Variants in ALMS1 observed in about 807,000 individuals in gnomAD.
ALMS1 encodes the protein ALMS1 centrosome and basal body associated protein.
A neutral mutation model predicts 352.2 loss-of-function variants in ALMS1; 271 were observed. The ratio of observed to expected loss-of-function variants is 0.77; its 90% CI spans 0.70 to 0.85. ALMS1 has a LOEUF of 0.85. Among genes scored for constraint, ALMS1 ranks in the 40% least tolerant of loss-of-function variants. The pLI, the probability that ALMS1 is intolerant of heterozygous loss-of-function variation, is 0.00. For missense variants in ALMS1, 5,445 were observed against 4,870.7 expected, an observed-to-expected ratio of 1.12 and a Z score of -3.51; for synonymous variants, 1,865 against 1,761.2, an observed-to-expected ratio of 1.06 and a Z score of -1.48.
Position 73,609,572 on chromosome 2 carries a change from T to A in ALMS1, c.12467T>A (p.Val4156Glu). The change falls in exon 23 of 23, where the codon GTG becomes GAG. Residue 4156 changes from valine to glutamate, a missense_variant. Transcript: ENST00000613296. Reference sequence around the variant, plus strand: ...TGCCTTTCTTTTCTTCTACAGAGAGTGACCAATCAACTTCTGGGGAGAAAA... The same window carrying A: ...TGCCTTTCTTTTCTTCTACAGAGAGAGACCAATCAACTTCTGGGGAGAAAA... ...RLRAQLYKKR[V>E]TNQLLGRKVP... The A allele has an allele frequency of 6.2e-7, 1 of 1,614,088 alleles. No homozygotes were observed. The highest frequency in any genetic ancestry group is 8.5e-7 in the Non-Finnish European group (1 of 1,179,980).
At position 73,449,520 on chromosome 2, in the gene ALMS1, T is replaced by G; in HGVS notation, c.2993T>G (p.Val998Gly). 1 of 1,613,912 alleles carries G rather than the reference T, an allele frequency of 6.2e-7. No individual in the cohort carries two copies. Among genetic ancestry groups the G allele is most frequent in the Non-Finnish European group, 8.5e-7 (1 of 1,179,942 alleles). The change falls in exon 8 of 23, where the codon GTA becomes GGA. Residue 998 changes from valine to glycine, a missense_variant. Coordinates refer to ENST00000613296, the MANE Select transcript of ALMS1 (RefSeq NM_001378454.1). The stretch of plus-strand genomic sequence containing the variant: ...CAGAAGACTGTCCCAACACCAACAG[T>G]ACCTTCAGGTTCCTTCTCACATAGA... ...TDQKTVPTPTVPSGSFSHREK... is the reference protein window; with the variant it reads ...TDQKTVPTPTGPSGSFSHREK...
At chr2:73,582,429 T>G (rs1432157813) in intron 16 of ALMS1, among the ~76,000 whole-genome samples, 1 of 152,208 alleles carries the variant, frequency 6.6e-6, no homozygotes, top group African/African-American at 2.4e-5. Flanking sequence ...AGTGTACAAG[T>G]CAATAATGTT....
At chr2:73,392,385 CTTTAA>C (rs1263775535) in intron 1 of ALMS1, among the ~76,000 whole-genome samples, 4 of 151,228 alleles carry the variant, frequency 2.6e-5, no homozygotes, top group African/African-American at 4.9e-5. Context: ...TACAATTCAC[CTTTAA>C]TTTAAAGTGC....
At chr2:73,428,993 A>G (rs1019215903) in intron 6 of ALMS1, among the ~76,000 whole-genome samples, 1 of 152,186 alleles carries the variant, frequency 6.6e-6, no homozygotes, top group Non-Finnish European at 1.5e-5. Context: ...GAACATAGAG[A>G]TTTTGAGTCA....
At chr2:73,430,900 T>C (rs1031827148) in intron 6 of ALMS1, among the ~76,000 whole-genome samples, 1 of 151,914 alleles carries the variant, frequency 6.6e-6, no homozygotes, top group Non-Finnish European at 1.5e-5. Context: ...TGCATATATA[T>C]TTATATATAT....
In ALMS1 at chr2:73,572,485, C is replaced by T. The variant is rs765108975; in HGVS notation, c.10608C>T (p.Asp3536=). ...TTCCTCTTCCTTATCAAAACATGGA[C>T]AAGACTAAGACAGATTATACCAGAA... is the stretch of plus-strand genomic sequence containing the variant. The part of the protein sequence containing the change: ...MCLPLPYQNM[D]KTKTDYTRIK... Residue 3536 remains aspartate, a synonymous_variant, in exon 16 of 23, where the codon GAC becomes GAT. Coordinates refer to ENST00000613296, the MANE Select transcript of ALMS1 (RefSeq NM_001378454.1). The T allele has an allele frequency of 1.1e-5, 17 of 1,613,824 alleles. No homozygotes were observed. The highest frequency in any genetic ancestry group is 1.4e-5 in the Non-Finnish European group (17 of 1,179,934).
At chr2:73,462,099 AG>A (rs1374729339) in intron 9 of ALMS1, among the ~76,000 whole-genome samples, 4 of 152,066 alleles carry the variant, frequency 2.6e-5, no homozygotes. Context: ...CAGGAAATAC[AG>A]AGAACGCCAC....
intron 2 of ALMS1, among the ~76,000 whole-genome samples, chr2:73,410,842 G>GAT (rs930265929): frequency 2.0e-5 from 3 of 152,080 alleles, no homozygotes; most frequent in African/African-American, 4.8e-5. Flanking sequence ...ATTTAAGGTT[G>GAT]ATTAATAACT....
At chr2:73,505,951 CTTGAG>C in intron 10 of ALMS1, among the ~76,000 whole-genome samples, 1 of 152,232 alleles carries the variant, frequency 6.6e-6, no homozygotes, top group South Asian at 2.1e-4. Flanking sequence ...TTTAATCCAT[CTTGAG>C]TTAATTTTTG....
intron 19 of ALMS1, 74 bp downstream of exon 19, chr2:73,601,510 GTGACT>G: frequency 7.6e-6 from 12 of 1,570,836 alleles, no homozygotes; most frequent in Non-Finnish European, 9.5e-6. Context: ...AGCTGGCTCT[GTGACT>G]TGGTGAGCTG....
chr2:73,543,862 A>G (rs1413055882), intron 12 of ALMS1, among the ~76,000 whole-genome samples: 1 of 152,190 alleles, frequency 6.6e-6, no homozygotes, highest in African/African-American at 2.4e-5. Flanking sequence ...AAGTCAGGAA[A>G]CAATAGGTGC....
rs571789136 is a variant in ALMS1 at position 73,600,713 on chromosome 2, A to T, written c.11704A>T (p.Thr3902Ser). ...GATTGTGAACGGTGCCAAAAAACAC[A>T]CTCGAGATGTTGGGATAACTTTCCC... The part of the protein sequence containing the change: ...LEIVNGAKKH[T>S]RDVGITFPTP... The change falls in exon 18 of 23, where the codon ACT becomes TCT. Residue 3902 changes from threonine (T) to serine (S), a missense_variant. Thr to Ser is a moderately conservative substitution (Grantham distance 58). Transcript: ENST00000613296. 3 of 1,613,964 alleles carry T rather than the reference A, an allele frequency of 1.9e-6. No homozygotes were observed. Among genetic ancestry groups the T allele is most frequent in the Non-Finnish European group, 2.5e-6 (3 of 1,179,994 alleles).
At chr2:73,541,225 G>C (rs923108127) in intron 12 of ALMS1, among the ~76,000 whole-genome samples, 1 of 152,044 alleles carries the variant, frequency 6.6e-6, no homozygotes, top group Non-Finnish European at 1.5e-5. Context: ...AACTCACTCA[G>C]AACCGCTCGA....
chr2:73,480,360 A>T (rs1672672611), intron 9 of ALMS1, among the ~76,000 whole-genome samples: 1 of 152,170 alleles, frequency 6.6e-6, no homozygotes, highest in South Asian at 2.1e-4. Context: ...TTTACTGAGA[A>T]TGATGATTTC....
At chr2:73,602,696 GTAA>G (rs144971762) in intron 20 of ALMS1, among the ~76,000 whole-genome samples, 15 of 151,828 alleles carry the variant, frequency 9.9e-5, no homozygotes, top group East Asian at 1.9e-4. Flanking sequence ...TCTTAGGATG[GTAA>G]TAATAATAAT....
At chr2:73,440,081 C>T (rs963672490) in intron 7 of ALMS1, among the ~76,000 whole-genome samples, 15 of 151,328 alleles carry the variant, frequency 9.9e-5, no homozygotes, top group African/African-American at 2.9e-4. Context: ...CCCGGGTTCA[C>T]GCCATTCTCC....
In ALMS1 at chr2:73,490,991, A is replaced by G. The variant is rs1672972439; in HGVS notation, c.9032A>G (p.Asn3011Ser). ...HKPKSHISNI[N>S]VEAKFNTVVS... ...CCTAAATCACACATTTCTAATATAAATGTTGAAGCCAAGTTCAATACTGTG... is the reference window on the plus strand; with the variant it reads ...CCTAAATCACACATTTCTAATATAAGTGTTGAAGCCAAGTTCAATACTGTG... Residue 3011 changes from asparagine to serine, a missense_variant, in exon 10 of 23, where the codon AAT becomes AGT. Coordinates refer to ENST00000613296, the MANE Select transcript of ALMS1 (RefSeq NM_001378454.1). 2 of 1,614,212 alleles carry G rather than the reference A, an allele frequency of 1.2e-6. No individual in the cohort carries two copies. Among genetic ancestry groups the G allele is most frequent in the Non-Finnish European group, 8.5e-7 (1 of 1,180,024 alleles).
intron 1 of ALMS1, among the ~76,000 whole-genome samples, chr2:73,393,046 C>T (rs943983314): frequency 1.3e-5 from 2 of 152,136 alleles, no homozygotes; most frequent in Admixed American, 6.5e-5. Flanking sequence ...ATGGTTCATG[C>T]ATCTATTCAT....
Position 73,450,154 on chromosome 2 carries a change from T to A in ALMS1, c.3627T>A (p.Ser1209Arg). 1 of 1,614,070 alleles carries A rather than the reference T, an allele frequency of 6.2e-7. No individual in the cohort carries two copies. The highest frequency in any genetic ancestry group is 8.5e-7 in the Non-Finnish European group (1 of 1,179,988). ...TCTATCAACAGACCTTGCCAGGTAG[T>A]CACATACCTGAAGAGGCACAGAAAG... ...GIFYQQTLPG[S>R]HIPEEAQKVS... The change falls in exon 8 of 23, where the codon AGT becomes AGA. Residue 1209 changes from serine to arginine, a missense_variant. By Grantham distance (110) the Ser-to-Arg change is moderately radical. Transcript: ENST00000613296.
Sources: allele counts gnomAD v4.1 joint callset (sites outside exome capture counted in the v4.1 genomes callset), GRCh38; gene constraint gnomAD v4.1.1; transcripts MANE v1.5; gene names NCBI Gene and HGNC (gene_info 2026-07-23, HGNC 2026-07-21).